Variants in MIPOL1 observed in about 807,000 individuals in gnomAD.
MIPOL1 encodes mirror-image polydactyly 1.
In MIPOL1, 57 loss-of-function variants were observed where a neutral mutation model predicts 60.9. The observed-to-expected ratio is 0.94, with a 90% CI of 0.76 to 1.17. The LOEUF (loss-of-function observed/expected upper bound fraction) is 1.17. MIPOL1 is among the 50% of genes most tolerant of loss of function. The pLI, the probability that MIPOL1 is intolerant of heterozygous loss-of-function variation, is 0.00. For synonymous variants in MIPOL1, 179 were observed against 168.8 expected (o/e 1.06, Z -0.47); for missense variants, 551 against 511.6 (o/e 1.08, Z -0.74).
chr14:37,263,700 A>G (rs1368744884), intron 3 of MIPOL1, among the ~76,000 whole-genome samples: 1 of 152,190 alleles, frequency 6.6e-6, no homozygotes, highest in Non-Finnish European at 1.5e-5. Context: ...CTTTAAGTCC[A>G]TATGGATAAA....
At chr14:37,226,471 T>A (rs1378776437) in intron 1 of MIPOL1, among the ~76,000 whole-genome samples, 9 of 152,328 alleles carry the variant, frequency 5.9e-5, no homozygotes. Context: ...AGCCAAGCAA[T>A]AGGGGTTCCC....
intron 11 of MIPOL1, among the ~76,000 whole-genome samples, chr14:37,470,321 G>A (rs1406961303): frequency 6.6e-6 from 1 of 152,088 alleles, no homozygotes; most frequent in Non-Finnish European, 1.5e-5. Flanking sequence ...ACCTGATATG[G>A]CTTGGATTTG....
At chr14:37,359,557 T>C (rs1280008445) in intron 9 of MIPOL1, among the ~76,000 whole-genome samples, 1 of 152,110 alleles carries the variant, frequency 6.6e-6, no homozygotes, top group African/African-American at 2.4e-5. Flanking sequence ...TCACATCCCT[T>C]GTAAGTTGTA....
intron 6 of MIPOL1, among the ~76,000 whole-genome samples, chr14:37,283,543 T>G (rs949017759): frequency 6.6e-6 from 1 of 152,228 alleles, no homozygotes; most frequent in Non-Finnish European, 1.5e-5. Context: ...GAATTTTGAC[T>G]TAGATTTTTA....
chr14:37,410,199 G>T (rs780328245), intron 10 of MIPOL1, among the ~76,000 whole-genome samples: 3 of 151,246 alleles, frequency 2.0e-5, no homozygotes, highest in Non-Finnish European at 2.9e-5. Context: ...CCTCTACATA[G>T]AACTGTGGAA....
intron 1 of MIPOL1, among the ~76,000 whole-genome samples, chr14:37,204,909 T>C (rs1594427431): frequency 6.6e-6 from 1 of 152,106 alleles, no homozygotes; most frequent in South Asian, 2.1e-4. Flanking sequence ...TGGAGACTTA[T>C]TGAATGGCTT....
chr14:37,345,934 A>G (rs1293806837), intron 9 of MIPOL1, among the ~76,000 whole-genome samples: 1 of 152,174 alleles, frequency 6.6e-6, no homozygotes, highest in Non-Finnish European at 1.5e-5. Context: ...CATATATACA[A>G]TTGGCATTTA....
chr14:37,211,216 G>A (rs1039169543), intron 1 of MIPOL1, among the ~76,000 whole-genome samples: 3 of 111,320 alleles, frequency 2.7e-5, no homozygotes, highest in Non-Finnish European at 5.0e-5. Flanking sequence ...AGGACACCAA[G>A]TTAACTATCT....
intron 3 of MIPOL1, among the ~76,000 whole-genome samples, chr14:37,260,435 C>G (rs1032266744): frequency 6.6e-6 from 1 of 152,074 alleles, no homozygotes; most frequent in African/African-American, 2.4e-5. Flanking sequence ...GAAACCACAT[C>G]TGTGTAACTA....
intron 10 of MIPOL1, among the ~76,000 whole-genome samples, chr14:37,404,711 G>C (rs1267885174): frequency 1.3e-5 from 2 of 152,192 alleles, no homozygotes; most frequent in African/African-American, 2.4e-5. Flanking sequence ...GTTACAGAAA[G>C]AGAAGGATAG....
chr14:37,511,542 TAA>T (rs1299291417), intron 12 of MIPOL1, among the ~76,000 whole-genome samples: 1 of 152,172 alleles, frequency 6.6e-6, no homozygotes, highest in African/African-American at 2.4e-5. Flanking sequence ...ATCAATCCAT[TAA>T]GAGATGTTTT....
intron 7 of MIPOL1, among the ~76,000 whole-genome samples, chr14:37,301,113 G>GTGTA (rs1567360461): frequency 7.2e-5 from 1 of 13,824 alleles, no homozygotes; most frequent in African/African-American, 9.2e-5. Context: ...ATGTGTGTGT[G>GTGTA]TATATATATA....
chr14:37,399,089 A>G (rs1444618404), intron 10 of MIPOL1, among the ~76,000 whole-genome samples: 1 of 152,204 alleles, frequency 6.6e-6, no homozygotes, highest in Non-Finnish European at 1.5e-5. Flanking sequence ...TAAGGGGCCA[A>G]CGCATCTCTT....
intron 9 of MIPOL1, among the ~76,000 whole-genome samples, chr14:37,357,398 C>T (rs919875465): frequency 6.6e-6 from 1 of 151,196 alleles, no homozygotes; most frequent in Non-Finnish European, 1.5e-5. Context: ...ACCCTTTTTC[C>T]ACATGCTCAC....
At chr14:37,420,061 A>AT (rs910188853) in intron 10 of MIPOL1, among the ~76,000 whole-genome samples, 35 of 148,860 alleles carry the variant, frequency 2.4e-4, no homozygotes, top group African/African-American at 6.9e-4. Context: ...ACCTGGCTGA[A>AT]TTTTTTTTTT....
intron 6 of MIPOL1, among the ~76,000 whole-genome samples, chr14:37,273,946 T>C (rs959237938): frequency 6.6e-6 from 1 of 151,586 alleles, no homozygotes; most frequent in African/African-American, 2.4e-5. Flanking sequence ...CTTAAATCTT[T>C]GATGTCATCA....
intron 1 of MIPOL1, chr14:37,212,408 G>C (rs1289031857): frequency 1.3e-5 from 2 of 152,148 alleles, no homozygotes; most frequent in Non-Finnish European, 2.9e-5. Flanking sequence ...AGAGAACTTG[G>C]GCTGTAAGGG....
At chr14:37,291,926 T>C (rs1482194850) in intron 7 of MIPOL1, among the ~76,000 whole-genome samples, 5 of 142,452 alleles carry the variant, frequency 3.5e-5, no homozygotes, top group African/African-American at 1.3e-4. Context: ...TTTTTTTTTT[T>C]TTTTTTTTTT....
At chr14:37,440,626 G>C (rs1039637729) in intron 11 of MIPOL1, among the ~76,000 whole-genome samples, 6 of 152,146 alleles carry the variant, frequency 3.9e-5, no homozygotes, top group Non-Finnish European at 5.9e-5. Context: ...TTATAGCTGA[G>C]TAGTATTCTA....
Sources: gnomAD v4.1 joint callset for allele counts (sites outside exome capture counted in the v4.1 genomes callset) on GRCh38, gnomAD v4.1.1 for gene constraint, MANE v1.5 for transcripts, NCBI Gene and HGNC (gene_info 2026-07-23, HGNC 2026-07-21) for gene names.